MACROD2: variants seen among roughly 807,000 people sequenced by gnomAD.
MACROD2 encodes ADP-ribose glycohydrolase MACROD2.
MACROD2 carries 36 observed loss-of-function variants against 70.4 expected under a neutral mutation model. The ratio of observed to expected loss-of-function variants is 0.51; its 90% CI spans 0.39 to 0.68. MACROD2 has a LOEUF of 0.68. Ranked by LOEUF, MACROD2 falls within the 30% of genes least tolerant of loss-of-function variation. The probability of loss-of-function intolerance (pLI) is 0.00; values close to 1 mark genes in which losing one functional copy is unlikely to be tolerated. For synonymous variants in MACROD2, 172 were observed against 178.8 expected (o/e 0.96, Z 0.30); for missense variants, 496 against 538.4 (o/e 0.92, Z 0.78).
intron 3 of MACROD2, among the ~76,000 whole-genome samples, chr20:14,226,798 G>C (rs1441982367): frequency 1.3e-5 from 2 of 152,210 alleles, no homozygotes; most frequent in African/African-American, 4.8e-5. Context: ...CACCCACTCC[G>C]TGGGCTCCTG....
At chr20:14,593,662 A>G (rs1344020952) in intron 4 of MACROD2, among the ~76,000 whole-genome samples, 1 of 152,206 alleles carries the variant, frequency 6.6e-6, no homozygotes, top group African/African-American at 2.4e-5. Context: ...GCATTATTAA[A>G]AAGATATTTA....
chr20:15,078,872 C>T (rs1288655079), intron 5 of MACROD2, among the ~76,000 whole-genome samples: 2 of 152,084 alleles, frequency 1.3e-5, no homozygotes, highest in Admixed American at 6.6e-5. Context: ...TCACAGACTC[C>T]TGACCTCAGG....
At chr20:14,668,931 G>A (rs1255152229) in intron 4 of MACROD2, among the ~76,000 whole-genome samples, 1 of 152,044 alleles carries the variant, frequency 6.6e-6, no homozygotes, top group Non-Finnish European at 1.5e-5. Context: ...ACAGAATCAA[G>A]TTATGAAATG....
intron 15 of MACROD2, among the ~76,000 whole-genome samples, chr20:15,989,614 A>G (rs2066531328): frequency 1.3e-5 from 2 of 152,178 alleles, no homozygotes; most frequent in African/African-American, 4.8e-5. Context: ...TAGTTATTAA[A>G]AAGTCTTGTT....
At chr20:14,692,816 C>T (rs1466291837) in intron 5 of MACROD2, among the ~76,000 whole-genome samples, 1 of 152,186 alleles carries the variant, frequency 6.6e-6, no homozygotes, top group Non-Finnish European at 1.5e-5. Flanking sequence ...CTGTTCTATG[C>T]TTAGCTTCTT....
intron 3 of MACROD2, among the ~76,000 whole-genome samples, chr20:14,313,387 C>T (rs1005544523): frequency 6.6e-6 from 1 of 151,486 alleles, no homozygotes; most frequent in African/African-American, 2.4e-5. Context: ...AATTTACTTT[C>T]ACACAATTAT....
At chr20:15,101,339 T>C (rs1280470336) in intron 5 of MACROD2, among the ~76,000 whole-genome samples, 1 of 151,950 alleles carries the variant, frequency 6.6e-6, no homozygotes, top group Non-Finnish European at 1.5e-5. Flanking sequence ...TAGACTGTGA[T>C]CTTACACAGT....
At chr20:14,727,389 G>A (rs147238055) in intron 5 of MACROD2, among the ~76,000 whole-genome samples, 5 of 152,014 alleles carry the variant, frequency 3.3e-5, no homozygotes, top group African/African-American at 4.8e-5. Context: ...TTAAAAATTA[G>A]CCTGGCATGG....
chr20:15,618,558 G>T (rs898203332), intron 8 of MACROD2, among the ~76,000 whole-genome samples: 1 of 142,400 alleles, frequency 7.0e-6, no homozygotes, highest in Non-Finnish European at 1.5e-5. Flanking sequence ...ATTTCATTGA[G>T]ATTTCTCCCA....
rs204626 is a variant in MACROD2, at chr20:14,363,014, G to A, written c.272-130465G>A. On this transcript the variant is annotated intron_variant, in intron 3 of 17. Transcript: ENST00000684519. ...TGGCTTTTGAGACCCAGTGGGAGCCGTCTGACACCTGTTTATTTATATACA... is the reference window on the plus strand; with the variant it reads ...TGGCTTTTGAGACCCAGTGGGAGCCATCTGACACCTGTTTATTTATATACA... 8.6e-3 allele frequency among the ~76,000 whole-genome samples: 1,305 copies of A among 152,124 alleles called. 17 individuals are homozygous for A. Among genetic ancestry groups the A allele is most frequent in the African/African-American group, 0.03 (1,235 of 41,480 alleles).
chr20:15,708,432 C>A (rs1377294105), intron 8 of MACROD2, among the ~76,000 whole-genome samples: 1 of 151,954 alleles, frequency 6.6e-6, no homozygotes, highest in Non-Finnish European at 1.5e-5. Flanking sequence ...ATTAGCCATG[C>A]AGGTAGGGGA....
chr20:14,480,483 G>A (rs1379787541), intron 3 of MACROD2, among the ~76,000 whole-genome samples: 2 of 152,106 alleles, frequency 1.3e-5, no homozygotes, highest in Non-Finnish European at 2.9e-5. Context: ...AAGTCTCAGA[G>A]TGACATTAGA....
chr20:15,654,078 G>A (rs1190455281), intron 8 of MACROD2, among the ~76,000 whole-genome samples: 3 of 152,146 alleles, frequency 2.0e-5, no homozygotes, highest in Non-Finnish European at 4.4e-5. Context: ...GACAGGATGG[G>A]AACCCTCCCA....
intron 5 of MACROD2, among the ~76,000 whole-genome samples, chr20:14,857,175 G>T (rs2073263980): frequency 6.6e-6 from 1 of 152,034 alleles, no homozygotes; most frequent in Admixed American, 6.6e-5. Context: ...GTTCTCCAAG[G>T]CTGATCATCT....
intron 5 of MACROD2, among the ~76,000 whole-genome samples, chr20:15,071,581 C>A (rs1271369231): frequency 6.6e-6 from 1 of 152,140 alleles, no homozygotes; most frequent in Admixed American, 6.5e-5. Flanking sequence ...TGCCTATATG[C>A]ATACTAAAGT....
chr20:14,763,853 A>T (rs1390292650), intron 5 of MACROD2, among the ~76,000 whole-genome samples: 1 of 151,968 alleles, frequency 6.6e-6, no homozygotes, highest in Non-Finnish European at 1.5e-5. Context: ...TCACAATATA[A>T]CTTAGAGATA....
At chr20:14,239,187 G>T (rs1463421652) in intron 3 of MACROD2, among the ~76,000 whole-genome samples, 1 of 152,118 alleles carries the variant, frequency 6.6e-6, no homozygotes, top group Non-Finnish European at 1.5e-5. Flanking sequence ...GGTCTCTACA[G>T]TGAGAATTAC....
intron 7 of MACROD2, among the ~76,000 whole-genome samples, chr20:15,435,532 T>C (rs1244236542): frequency 6.6e-6 from 1 of 152,182 alleles, no homozygotes; most frequent in Non-Finnish European, 1.5e-5. Flanking sequence ...GATCACCATG[T>C]TCCCTGTCCT....
At chr20:15,542,342 G>T (rs2111046) in intron 8 of MACROD2, among the ~76,000 whole-genome samples, 1 of 152,146 alleles carries the variant, frequency 6.6e-6, no homozygotes, top group African/African-American at 2.4e-5. Flanking sequence ...GGCACATAAA[G>T]AAGTTCACAA....
Sources: gnomAD v4.1 joint callset for allele counts (sites outside exome capture counted in the v4.1 genomes callset) on GRCh38, gnomAD v4.1.1 for gene constraint, MANE v1.5 for transcripts, NCBI Gene and HGNC (gene_info 2026-07-23, HGNC 2026-07-21) for gene names.